The following ZNF385B variants were observed in gnomAD, a reference collection of about 807,000 sequenced individuals.
The protein encoded by ZNF385B is zinc finger protein 533.
A neutral mutation model predicts 39.2 loss-of-function variants in ZNF385B; 23 were observed. The ratio of observed to expected loss-of-function variants is 0.59; its 90% CI spans 0.42 to 0.83. ZNF385B has a LOEUF of 0.83. ZNF385B is among the 40% of genes least tolerant of loss of function. ZNF385B has a pLI of 0.00. For synonymous variants in ZNF385B, 205 were observed against 222.6 expected (o/e 0.92, Z 0.70); for missense variants, 552 against 598.9 (o/e 0.92, Z 0.82).
intron 3 of ZNF385B, among the ~76,000 whole-genome samples, chr2:179,545,230 C>T (rs560698844): frequency 3.2e-4 from 49 of 152,244 alleles, no homozygotes; most frequent in African/African-American, 1.1e-3. Flanking sequence ...GTAGACAGAT[C>T]CTACTGGCAG....
At chr2:179,859,959 T>C (rs773324109) in intron 1 of ZNF385B, among the ~76,000 whole-genome samples, 6 of 152,252 alleles carry the variant, frequency 3.9e-5, no homozygotes, top group Non-Finnish European at 8.8e-5. Context: ...ATGTAGCTTA[T>C]TGACTTTATG....
chr2:179,571,858 C>T (rs982568421), intron 3 of ZNF385B, among the ~76,000 whole-genome samples: 3 of 152,044 alleles, frequency 2.0e-5, no homozygotes, highest in East Asian at 1.9e-4. Flanking sequence ...CCAAAGGGAT[C>T]GGCCCACATT....
At position 179,464,895 on chromosome 2, in the gene ZNF385B, T is replaced by C. The variant is rs560254700; in HGVS notation, c.716-18125A>G. Among the ~76,000 whole-genome samples the C allele has an allele frequency of 4.6e-5, 7 of 152,268 alleles. No individual in the cohort carries two copies. The South Asian group carries it at 1.5e-3, about 32-fold the overall frequency. Reference sequence around the variant, plus strand: ...TACTTCCTTTACACTTGATTCTTTTTTTCTGTCTACAAATGCTGAAATCTC... The same window carrying C: ...TACTTCCTTTACACTTGATTCTTTTCTTCTGTCTACAAATGCTGAAATCTC... On this transcript the variant is annotated intron_variant, in intron 6 of 9. Coordinates refer to ENST00000410066, the MANE Select transcript of ZNF385B (RefSeq NM_152520.6).
At chr2:179,626,978 T>A (rs1490126416) in intron 3 of ZNF385B, among the ~76,000 whole-genome samples, 2 of 152,210 alleles carry the variant, frequency 1.3e-5, no homozygotes, top group African/African-American at 4.8e-5. Flanking sequence ...AGGAAAGTTA[T>A]AATCTTTTCA....
chr2:179,723,989 T>A (rs557597102), intron 3 of ZNF385B, among the ~76,000 whole-genome samples: 1 of 152,120 alleles, frequency 6.6e-6, no homozygotes, highest in African/African-American at 2.4e-5. Flanking sequence ...TACAATCTTA[T>A]GTTAGTGAAA....
intron 3 of ZNF385B, among the ~76,000 whole-genome samples, chr2:179,713,992 T>C (rs1244584406): frequency 6.6e-6 from 1 of 152,180 alleles, no homozygotes; most frequent in African/African-American, 2.4e-5. Flanking sequence ...ACTTATCATG[T>C]CAGGAAAGGT....
chr2:179,752,356 C>T (rs994738615), intron 3 of ZNF385B, among the ~76,000 whole-genome samples: 2 of 152,136 alleles, frequency 1.3e-5, no homozygotes, highest in African/African-American at 2.4e-5. Flanking sequence ...TGGGTTGGTT[C>T]CAAGTCTTTG....
At chr2:179,453,308 T>G (rs1319916667) in intron 6 of ZNF385B, among the ~76,000 whole-genome samples, 1 of 152,154 alleles carries the variant, frequency 6.6e-6, no homozygotes, top group Non-Finnish European at 1.5e-5. Flanking sequence ...TGGTATTTAG[T>G]ATTACAGCAT....
At chr2:179,780,058 C>A (rs746780742) in intron 1 of ZNF385B, among the ~76,000 whole-genome samples, 2 of 152,046 alleles carry the variant, frequency 1.3e-5, no homozygotes, top group Non-Finnish European at 2.9e-5. Flanking sequence ...GAGCATAAAC[C>A]TTCCCAGGTG....
intron 3 of ZNF385B, among the ~76,000 whole-genome samples, chr2:179,750,912 A>T (rs896179486): frequency 7.9e-5 from 12 of 152,130 alleles, no homozygotes; most frequent in African/African-American, 2.9e-4. Context: ...ATCAAAAATT[A>T]AGTGAAAGCA....
chr2:179,450,992 T>A (rs2050075550), intron 6 of ZNF385B, among the ~76,000 whole-genome samples: 1 of 150,448 alleles, frequency 6.6e-6, no homozygotes, highest in South Asian at 2.1e-4. Flanking sequence ...CAGCAAACTA[T>A]CGCAAGGACA....
At chr2:179,470,484 G>GC (rs3054058) in intron 6 of ZNF385B, among the ~76,000 whole-genome samples, 20 of 151,814 alleles carry the variant, frequency 1.3e-4, no homozygotes, top group Non-Finnish European at 2.2e-4. Context: ...ATATGGTTTG[G>GC]CCCCCCCGGG....
At chr2:179,730,352 AT>A (rs1158134197) in intron 3 of ZNF385B, among the ~76,000 whole-genome samples, 1 of 152,210 alleles carries the variant, frequency 6.6e-6, no homozygotes, top group African/African-American at 2.4e-5. Context: ...ATGTTATATA[AT>A]TCTAGAAAAG....
intron 1 of ZNF385B, among the ~76,000 whole-genome samples, chr2:179,860,461 C>T (rs1684954713): frequency 6.6e-6 from 1 of 152,140 alleles, no homozygotes; most frequent in Non-Finnish European, 1.5e-5. Flanking sequence ...CCCTTCTCCT[C>T]GTCCCTTCCG....
chr2:179,820,927 T>C (rs1271118535), intron 1 of ZNF385B, among the ~76,000 whole-genome samples: 1 of 152,172 alleles, frequency 6.6e-6, no homozygotes, highest in African/African-American at 2.4e-5. Context: ...AAGTCTACAC[T>C]TACTATGCCA....
Position 179,544,829 on chromosome 2 carries a change from T to C in ZNF385B, c.439A>G (p.Thr147Ala). The C allele has an allele frequency of 1.9e-6, 3 of 1,613,966 alleles. No individual in the cohort carries two copies. The highest frequency in any genetic ancestry group is 2.5e-6 in the Non-Finnish European group (3 of 1,179,890). Residue 147 changes from threonine to alanine, a missense_variant and splice_region_variant, in exon 4 of 10, where the codon ACA (threonine) becomes GCA (alanine). Transcript: ENST00000410066. ...SAVGLFPNFNTMDPVQKAVIN... is the reference protein window; with the variant it reads ...SAVGLFPNFNAMDPVQKAVIN... ...AAAATAGAAATGAATTTACTCACTG[T>C]GTTAAAATTTGGAAAGAGCCCAACA... is the stretch of plus-strand genomic sequence containing the variant.
chr2:179,564,295 C>T lies in ZNF385B; in HGVS notation c.299-19326G>A, dbSNP rs138325100. 5.9e-5 allele frequency among the ~76,000 whole-genome samples: 9 copies of T among 152,122 alleles called. No individual in the cohort carries two copies. In the South Asian group the frequency reaches 1.0e-3, roughly 18 times the overall value. ...GGGATAAGGAACACTTAAGCCTCTACGGGGAAAACTACAGGAGAGACAGAG... is the reference window on the plus strand; with the variant it reads ...GGGATAAGGAACACTTAAGCCTCTATGGGGAAAACTACAGGAGAGACAGAG... On this transcript the variant is annotated intron_variant, in intron 3 of 9. Transcript: ENST00000410066.
chr2:179,443,110 G>T lies in ZNF385B; in HGVS notation c.*140C>A. 1 of 883,648 alleles carries T rather than the reference G, an allele frequency of 1.1e-6. No homozygotes were observed. The highest frequency in any genetic ancestry group is 1.8e-6 in the Non-Finnish European group (1 of 547,066). The allele number at this position is 883,648 out of a possible 1,614,324, so 54.7% of individuals were successfully genotyped here. A position where few individuals can be genotyped will look rare whatever the true frequency, so the allele number is the denominator to read the frequency against. Reference sequence around the variant, plus strand: ...TCAATCTAGTGATGTGTTTCTCTCTGGAATTGGGGGACTGGGTGGTGGGCT... The same window carrying T: ...TCAATCTAGTGATGTGTTTCTCTCTTGAATTGGGGGACTGGGTGGTGGGCT... On this transcript the variant is annotated 3_prime_UTR_variant, in exon 10 of 10. Transcript: ENST00000410066.
At chr2:179,574,250 C>A (rs186353653) in intron 3 of ZNF385B, among the ~76,000 whole-genome samples, 305 of 152,228 alleles carry the variant, frequency 2.0e-3, no homozygotes, top group Non-Finnish European at 3.6e-3. Flanking sequence ...AAAACTGTAC[C>A]TTTCTGTGGT....
Sources: gnomAD v4.1 joint callset for allele counts (sites outside exome capture counted in the v4.1 genomes callset) on GRCh38, gnomAD v4.1.1 for gene constraint, MANE v1.5 for transcripts, NCBI Gene and HGNC (gene_info 2026-07-23, HGNC 2026-07-21) for gene names.